MAGT1: variants seen among roughly 807,000 people sequenced by gnomAD.
MAGT1 encodes dolichyl-diphosphooligosaccharide--protein glycosyltransferase subunit MAGT1.
In MAGT1, 4 loss-of-function variants were observed where a neutral mutation model predicts 28.4. The ratio of observed to expected loss-of-function variants is 0.14; its 90% CI spans 0.07 to 0.32. The LOEUF (loss-of-function observed/expected upper bound fraction) is 0.32. Ranked by LOEUF, MAGT1 falls within the 10% of genes least tolerant of loss-of-function variation. The pLI, the probability that MAGT1 is intolerant of heterozygous loss-of-function variation, is 1.00. For missense variants in MAGT1, 193 were observed against 264.5 expected, an observed-to-expected ratio of 0.73 and a Z score of 1.88; for synonymous variants, 89 against 89.7, an observed-to-expected ratio of 0.99 and a Z score of 0.04.
chrX:77,893,597 A>G (rs1484561990), intron 1 of MAGT1, among the ~76,000 whole-genome samples: 2 of 112,188 alleles, frequency 1.8e-5, no homozygotes, highest in Non-Finnish European at 3.8e-5. Context: ...TCACTTTTTA[A>G]TTAAAAAGAA....
intron 7 of MAGT1, among the ~76,000 whole-genome samples, chrX:77,844,517 T>C (rs1234811083): frequency 1.7e-4 from 19 of 111,649 alleles, no homozygotes; most frequent in Admixed American, 7.7e-4. Context: ...CTTGCTTCTC[T>C]ATTTCTTTTA....
chrX:77,840,245 CA>C (rs782115682), intron 8 of MAGT1, among the ~76,000 whole-genome samples: 67 of 58,982 alleles, frequency 1.1e-3, no homozygotes, highest in Admixed American at 9.8e-4. Context: ...ACTAAAAATA[CA>C]AAAAAAAAAA....
At chrX:77,849,633 G>T (rs1257277614) in intron 7 of MAGT1, among the ~76,000 whole-genome samples, 1 of 110,520 alleles carries the variant, frequency 9.0e-6, no homozygotes, top group Non-Finnish European at 1.9e-5. Flanking sequence ...CACTTTGGGA[G>T]GCCGAGGCAG....
chrX:77,853,129 T>C (rs1569547992), intron 7 of MAGT1, among the ~76,000 whole-genome samples: 1 of 112,063 alleles, frequency 8.9e-6, no homozygotes, highest in Non-Finnish European at 1.9e-5. Context: ...AAAAATTAGC[T>C]TGGGCCAAGA....
At chrX:77,882,578 C>A (rs2077055672) in intron 1 of MAGT1, among the ~76,000 whole-genome samples, 1 of 111,021 alleles carries the variant, frequency 9.0e-6, no homozygotes, top group Non-Finnish European at 1.9e-5. Context: ...ATAATCATGC[C>A]AACAAAAGAA....
In MAGT1 at chrX:77,856,764, A is replaced by T; in HGVS notation, c.641T>A (p.Phe214Tyr). The change falls in exon 5 of 10, where the codon TTT becomes TAT. Residue 214 changes from phenylalanine to tyrosine, a missense_variant. Transcript: ENST00000618282. ...YLRRSNMEFL[F>Y]NKTGWAFAAL... ...TGCAAAAGCCCATCCAGTTTTATTA[A>T]AGAGAAATTCCATATTACTTCTTCG... is the stretch of plus-strand genomic sequence containing the variant. The T allele has an allele frequency of 8.3e-7, 1 of 1,209,844 alleles. No homozygotes were observed. The highest frequency in any genetic ancestry group is 1.1e-6 in the Non-Finnish European group (1 of 893,998).
In MAGT1 at chrX:77,856,792, G is replaced by A; in HGVS notation, c.613C>T (p.Leu205Phe). 1 of 1,206,452 alleles carries A rather than the reference G, an allele frequency of 8.3e-7. No individual in the cohort carries two copies. Among genetic ancestry groups the A allele is most frequent in the East Asian group, 3.0e-5 (1 of 33,777 alleles). ...LLAVIGGLVY[L>F]RRSNMEFLFN... ...AGAAATTCCATATTACTTCTTCGAA[G>A]ATACACAAGTCCACCAATAACAGCC... The change falls in exon 5 of 10, where the codon CTT (leucine) becomes TTT (phenylalanine). Residue 205 changes from leucine to phenylalanine, a missense_variant. Coordinates refer to ENST00000618282, the MANE Select transcript of MAGT1 (RefSeq NM_001367916.1).
intron 1 of MAGT1, among the ~76,000 whole-genome samples, chrX:77,886,837 A>G (rs2077069402): frequency 1.8e-5 from 2 of 111,688 alleles, no homozygotes; most frequent in South Asian, 3.7e-4. Context: ...TTAGGACTAC[A>G]TGTTATATAA....
intron 7 of MAGT1, among the ~76,000 whole-genome samples, chrX:77,844,333 CTCTCT>C (rs1393009142): frequency 9.0e-6 from 1 of 111,336 alleles, no homozygotes; most frequent in Non-Finnish European, 1.9e-5. Context: ...TTTGATTCTT[CTCTCT>C]TTTCTTCTTT....
intron 8 of MAGT1, among the ~76,000 whole-genome samples, chrX:77,831,787 T>C (rs1557213446): frequency 1.8e-5 from 2 of 110,239 alleles, no homozygotes; most frequent in African/African-American, 6.6e-5. Flanking sequence ...GAAGACGGTG[T>C]CTCACTACAT....
intron 1 of MAGT1, among the ~76,000 whole-genome samples, chrX:77,890,635 T>C (rs1480093957): frequency 8.9e-6 from 1 of 112,190 alleles, no homozygotes; most frequent in Non-Finnish European, 1.9e-5. Context: ...TTGTTAAACA[T>C]CCCAAAAAGA....
At chrX:77,872,608 G>A (rs1276754288) in intron 2 of MAGT1, among the ~76,000 whole-genome samples, 1 of 111,537 alleles carries the variant, frequency 9.0e-6, no homozygotes, top group Non-Finnish European at 1.9e-5. Flanking sequence ...TGTACATCAT[G>A]CTTCTAACCA....
At chrX:77,883,537 T>C (rs1158368338) in intron 1 of MAGT1, among the ~76,000 whole-genome samples, 1 of 106,922 alleles carries the variant, frequency 9.4e-6, no homozygotes, top group Non-Finnish European at 1.9e-5. Context: ...ATTAGATTAC[T>C]TCCTGAATTC....
Position 77,853,900 on chromosome X carries a change from C to T in MAGT1, c.826+1G>A. 1 of 1,195,290 alleles carries T rather than the reference C, an allele frequency of 8.4e-7. No individual in the cohort carries two copies. The stretch of plus-strand genomic sequence containing the variant: ...AAGAAAGACTTATTGTAAAAGGATA[C>T]TAAACAGAAGAACAATGTGTGTTTC... On this transcript the variant is annotated splice_donor_variant, in intron 7 of 9. Coordinates refer to ENST00000618282, the MANE Select transcript of MAGT1 (RefSeq NM_001367916.1). LOFTEE classifies it high-confidence loss of function.
intron 8 of MAGT1, among the ~76,000 whole-genome samples, chrX:77,837,800 T>C (rs1314718983): frequency 8.9e-6 from 1 of 111,743 alleles, no homozygotes; most frequent in African/African-American, 3.2e-5. Context: ...TGGAGTGCAG[T>C]AGCGCGATCT....
intron 1 of MAGT1, among the ~76,000 whole-genome samples, chrX:77,876,165 T>TATATATATATATA (rs1491126690): frequency 3.7e-4 from 5 of 13,364 alleles, no homozygotes; most frequent in African/African-American, 7.5e-4. Flanking sequence ...TATATATATA[T>TATATATATATATA]TTTTTTTTTT....
intron 6 of MAGT1, 145 bp from the exon 7 acceptor site, chrX:77,854,109 A>G: frequency 2.0e-6 from 1 of 510,533 alleles, no homozygotes; most frequent in South Asian, 2.7e-5. Flanking sequence ...GGCATTCATC[A>G]GTAAGTCTGG....
Position 77,855,608 on chromosome X carries a change from A to G in MAGT1, c.673-18T>C. ...ACAAAACACTAGGAAACAAAAAAAT[A>G]ATAAAATATTCATGGTCAAACTGTT... On this transcript the variant is annotated intron_variant, in intron 5 of 9. Coordinates refer to ENST00000618282, the MANE Select transcript of MAGT1 (RefSeq NM_001367916.1). 4.5e-6 allele frequency: 5 copies of G among 1,104,946 alleles called. No individual in the cohort carries two copies. The highest frequency in any genetic ancestry group is 6.3e-6 in the Non-Finnish European group (5 of 799,505). 91.1% of individuals were successfully genotyped at this position (1,104,946 alleles called of 1,213,427 possible).
intron 9 of MAGT1, among the ~76,000 whole-genome samples, chrX:77,830,225 G>A (rs1242807114): frequency 1.8e-5 from 2 of 112,172 alleles, no homozygotes; most frequent in Admixed American, 9.5e-5. Context: ...GGGAAGCTGA[G>A]GTGAAATGAT....
Sources: allele counts gnomAD v4.1 joint callset (sites outside exome capture counted in the v4.1 genomes callset), GRCh38; gene constraint gnomAD v4.1.1; transcripts MANE v1.5; gene names NCBI Gene and HGNC (gene_info 2026-07-23, HGNC 2026-07-21).